The following MALAT1 variants were observed in gnomAD, a reference collection of about 807,000 sequenced individuals.
MALAT1 encodes the protein metastasis associated lung adenocarcinoma transcript 1, also known as hepcarcin.
exon 3 of MALAT1, chr11:65,500,343 G>C (rs199502340): frequency 3.9e-6 from 2 of 518,658 alleles, no homozygotes; most frequent in Non-Finnish European, 7.7e-6. Context: ...ATTGGACTTT[G>C]AGTTAAGATT....
chr11:65,500,819 C>A (rs189575055), exon 3 of MALAT1: 3 of 518,834 alleles, frequency 5.8e-6, no homozygotes, highest in South Asian at 4.2e-5. Context: ...CTTATGGTAA[C>A]CTTTTATTTA....
At chr11:65,498,770 T>C (rs1480215284) in intron 2 of MALAT1, 1 of 518,976 alleles carries the variant, frequency 1.9e-6, no homozygotes, top group Non-Finnish European at 3.8e-6. Context: ...GTGAGGTGTT[T>C]GATGACCCGT....
chr11:65,500,555 G>T (rs930859491), exon 3 of MALAT1: 5 of 518,846 alleles, frequency 9.6e-6, no homozygotes, highest in Non-Finnish European at 1.5e-5. Flanking sequence ...GCGATTTGGT[G>T]AAGGAAGCTA....
chr11:65,499,588 C>T lies in MALAT1; in HGVS notation n.851C>T, dbSNP rs1425780715. On this transcript the variant is annotated non_coding_transcript_exon_variant, in exon 3 of 4. Coordinates refer to ENST00000619449, the Ensembl canonical transcript of MALAT1. ...AAGCCTAGTTAACGCATTTACTAAACGCAGACGAAAATGGAAAGATTAATT... is the reference window on the plus strand; with the variant it reads ...AAGCCTAGTTAACGCATTTACTAAATGCAGACGAAAATGGAAAGATTAATT... The T allele has an allele frequency of 1.1e-5, 5 of 452,518 alleles. No homozygotes were observed. The East Asian group carries it at 2.8e-4, about 25-fold the overall frequency. 28.0% of individuals were successfully genotyped at this position (452,518 alleles called of 1,614,324 possible).
exon 3 of MALAT1, chr11:65,500,813 T>A (rs762532183): frequency 7.7e-6 from 4 of 518,992 alleles, no homozygotes; most frequent in South Asian, 5.6e-5. Context: ...AACTTACTTA[T>A]GGTAACCTTT....
exon 3 of MALAT1, chr11:65,503,433 G>C (rs768059903): frequency 9.7e-6 from 5 of 514,988 alleles, no homozygotes; most frequent in Non-Finnish European, 1.9e-5. Flanking sequence ...TTTCTTAAAA[G>C]CCTCTAAAGT....
chr11:65,501,557 G>C (rs755157861), exon 3 of MALAT1: 2 of 518,788 alleles, frequency 3.9e-6, no homozygotes, highest in Admixed American at 3.9e-5. Context: ...GAGAGAGGGT[G>C]GGGGAGAAAA....
exon 3 of MALAT1, chr11:65,502,810 A>T (rs1385272152): frequency 3.9e-6 from 2 of 511,968 alleles, no homozygotes; most frequent in Non-Finnish European, 7.8e-6. Flanking sequence ...TGAGAACATT[A>T]TCTGCATATG....
At position 65,501,917 on chromosome 11, in the gene MALAT1, G is replaced by A. The variant is rs756794523; in HGVS notation, n.3180G>A. ...ATTGGTGGGGTGGGTTTAGGTAATT[G>A]TTTAGTTTATGATTGCAGATAAACT... On this transcript the variant is annotated non_coding_transcript_exon_variant, in exon 3 of 4. Transcript: ENST00000619449. 5 of 517,404 alleles carry A rather than the reference G, an allele frequency of 9.7e-6. No individual in the cohort carries two copies. The Admixed American group carries it at 9.8e-5, about 10-fold the overall frequency. The allele number at this position is 517,404 out of a possible 1,614,324, so 32.1% of individuals were successfully genotyped here.
At chr11:65,503,935 A>G (rs1158207278) in intron 3 of MALAT1, 2 of 516,054 alleles carry the variant, frequency 3.9e-6, no homozygotes, top group Non-Finnish European at 7.7e-6. Context: ...GTAAAAGGTA[A>G]TTACACATTT....
chr11:65,499,303 G>A (rs1325254205), exon 3 of MALAT1: 1 of 511,398 alleles, frequency 2.0e-6, no homozygotes, highest in Non-Finnish European at 3.9e-6. Context: ...AAACATGACG[G>A]AGGTTGAGAT....
exon 3 of MALAT1, chr11:65,503,515 G>T (rs981978918): frequency 3.1e-5 from 16 of 518,548 alleles, no homozygotes; most frequent in Admixed American, 1.2e-4. Context: ...GAAAGGAATA[G>T]CATGATGTGC....
chr11:65,505,744 G>A (rs1311073235), intron 3 of MALAT1: 2 of 518,786 alleles, frequency 3.9e-6, no homozygotes, highest in African/African-American at 1.9e-5. Context: ...TTAACAGAAG[G>A]GTATTAAAAC....
intron 2 of MALAT1, chr11:65,498,811 TAA>T: frequency 1.9e-6 from 1 of 518,954 alleles, no homozygotes. Context: ...TTCTTTTGTC[TAA>T]AGTTTGCAGC....
exon 3 of MALAT1, chr11:65,502,576 A>G (rs1157826997): frequency 2.1e-6 from 1 of 484,744 alleles, no homozygotes; most frequent in Non-Finnish European, 4.0e-6. Flanking sequence ...TTCAGCTTGA[A>G]TGTCTCTTAG....
In MALAT1 at chr11:65,498,591, C is replaced by T. The variant is rs141495722; in HGVS notation, n.179-91C>T. On this transcript the variant is annotated intron_variant and non_coding_transcript_variant, in intron 1 of 3. Transcript: ENST00000619449. Reference sequence around the variant, plus strand: ...TTGGGGGAGAAAGTCCGCCATTTTGCCACTTCTCAACCGTCCCTGCAAGGC... The same window carrying T: ...TTGGGGGAGAAAGTCCGCCATTTTGTCACTTCTCAACCGTCCCTGCAAGGC... The T allele has an allele frequency of 3.5e-5, 18 of 518,762 alleles. No individual in the cohort carries two copies. In the East Asian group the frequency reaches 9.3e-4, roughly 27 times the overall value. 32.1% of individuals were successfully genotyped at this position (518,762 alleles called of 1,614,324 possible). A position where few individuals can be genotyped will look rare whatever the true frequency, so the allele number is the denominator to read the frequency against.
exon 3 of MALAT1, chr11:65,503,398 C>CAG (rs757173441): frequency 1.9e-6 from 1 of 516,904 alleles, no homozygotes; most frequent in East Asian, 5.4e-5. Context: ...ACACTTCACT[C>CAG]AGAGGCATTT....
At chr11:65,503,145 T>TG (rs1421009488) in exon 3 of MALAT1, 1 of 509,344 alleles carries the variant, frequency 2.0e-6, no homozygotes, top group Admixed American at 2.0e-5. Flanking sequence ...TCAGAAGAGT[T>TG]GCTTCATTTC....
intron 3 of MALAT1, chr11:65,505,003 C>T (rs753608250): frequency 1.9e-6 from 1 of 518,626 alleles, no homozygotes; most frequent in Admixed American, 1.9e-5. Context: ...CACCAGTGGA[C>T]AAAATGAGGA....
Sources: allele counts gnomAD v4.1 joint callset, GRCh38; gene constraint gnomAD v4.1.1; transcripts MANE v1.5; gene names NCBI Gene and HGNC (gene_info 2026-07-23, HGNC 2026-07-21).